Variants in LRRC4C observed in about 807,000 individuals in gnomAD.
The protein encoded by LRRC4C is leucine-rich repeat-containing protein 4C.
In LRRC4C, 5 loss-of-function variants were observed where a neutral mutation model predicts 33.6. That is an observed-to-expected ratio of 0.15 (90% CI 0.08 to 0.31). The LOEUF is 0.31. Ranked by LOEUF, LRRC4C falls within the 10% of genes least tolerant of loss-of-function variation. The pLI is 1.00. For synonymous variants in LRRC4C, 329 were observed against 302.0 expected, an observed-to-expected ratio of 1.09 and a Z score of -0.93; for missense variants, 560 against 796.7, an observed-to-expected ratio of 0.70 and a Z score of 3.58.
intron 6 of LRRC4C, among the ~76,000 whole-genome samples, chr11:40,127,046 A>C (rs1054299021): frequency 6.6e-6 from 1 of 152,116 alleles, no homozygotes; most frequent in African/African-American, 2.4e-5. Context: ...TTGGAAGCCA[A>C]GGTGGGCAGA....
intron 2 of LRRC4C, among the ~76,000 whole-genome samples, chr11:40,874,016 T>C (rs149899923): frequency 9.6e-4 from 146 of 152,292 alleles, no homozygotes; most frequent in African/African-American, 3.4e-3. Flanking sequence ...CATTTAAATT[T>C]TCTCCAGAGG....
intron 2 of LRRC4C, among the ~76,000 whole-genome samples, chr11:40,840,000 T>C (rs1565120613): frequency 6.6e-6 from 1 of 152,196 alleles, no homozygotes; most frequent in Non-Finnish European, 1.5e-5. Context: ...AATCTGATAG[T>C]CTCTATTTCA....
intron 3 of LRRC4C, among the ~76,000 whole-genome samples, chr11:40,382,879 G>C (rs1948946346): frequency 6.6e-6 from 1 of 151,676 alleles, no homozygotes; most frequent in Non-Finnish European, 1.5e-5. Context: ...ATTTTTAGTA[G>C]AGAAGGGGTT....
intron 2 of LRRC4C, among the ~76,000 whole-genome samples, chr11:40,858,073 AC>A (rs1264527391): frequency 6.7e-6 from 1 of 149,280 alleles, no homozygotes; most frequent in African/African-American, 2.4e-5. Context: ...AAGCTGCACT[AC>A]CCAATGTGTT....
intron 1 of LRRC4C, among the ~76,000 whole-genome samples, chr11:40,934,507 G>C (rs1342518833): frequency 1.3e-5 from 2 of 152,112 alleles, no homozygotes; most frequent in Non-Finnish European, 2.9e-5. Flanking sequence ...CTATCCTGGA[G>C]TAAATTAGAC....
chr11:40,895,587 T>C (rs550020712), intron 2 of LRRC4C, among the ~76,000 whole-genome samples: 1 of 152,246 alleles, frequency 6.6e-6, no homozygotes, highest in East Asian at 1.9e-4. Flanking sequence ...TTTTAAAAGG[T>C]ATTTAGAAAT....
At chr11:40,509,562 GA>G (rs1355982046) in intron 3 of LRRC4C, among the ~76,000 whole-genome samples, 1 of 151,792 alleles carries the variant, frequency 6.6e-6, no homozygotes, top group Non-Finnish European at 1.5e-5. Flanking sequence ...ACTTGTCATG[GA>G]ACAATGCGGT....
intron 1 of LRRC4C, among the ~76,000 whole-genome samples, chr11:40,968,997 G>A (rs1432781098): frequency 6.6e-6 from 1 of 152,110 alleles, no homozygotes; most frequent in Non-Finnish European, 1.5e-5. Context: ...TGGATCTTGG[G>A]AGAGCACACT....
chr11:40,663,989 G>T (rs1030722948), intron 2 of LRRC4C, among the ~76,000 whole-genome samples: 1 of 152,132 alleles, frequency 6.6e-6, no homozygotes, highest in South Asian at 2.1e-4. Context: ...CTGATCAAAG[G>T]TTGTACAGAA....
At chr11:40,449,763 G>T (rs1951804898) in intron 3 of LRRC4C, among the ~76,000 whole-genome samples, 1 of 152,288 alleles carries the variant, frequency 6.6e-6, no homozygotes, top group South Asian at 2.1e-4. Flanking sequence ...AATGGCAGCA[G>T]AAGTGCCTTG....
chr11:41,233,430 A>G (rs1335678103), intron 1 of LRRC4C, among the ~76,000 whole-genome samples: 1 of 152,000 alleles, frequency 6.6e-6, no homozygotes, highest in South Asian at 2.1e-4. Context: ...AGTCATAAAA[A>G]CTCTGCAATA....
At chr11:40,951,587 C>G (rs1958693200) in intron 1 of LRRC4C, among the ~76,000 whole-genome samples, 1 of 151,994 alleles carries the variant, frequency 6.6e-6, no homozygotes, top group African/African-American at 2.4e-5. Context: ...AATATGTTGG[C>G]ACTTAAATAT....
intron 1 of LRRC4C, among the ~76,000 whole-genome samples, chr11:41,114,432 T>C (rs1332463286): frequency 6.6e-6 from 1 of 152,050 alleles, no homozygotes; most frequent in Non-Finnish European, 1.5e-5. Context: ...TAATCTAAGA[T>C]TTGTTTCAAA....
intron 3 of LRRC4C, among the ~76,000 whole-genome samples, chr11:40,320,018 T>C (rs985828951): frequency 5.3e-5 from 8 of 152,148 alleles, no homozygotes; most frequent in African/African-American, 1.9e-4. Flanking sequence ...CTTTCATTTC[T>C]TTTTTAATGT....
At chr11:41,419,737 C>T (rs1350036734) in intron 1 of LRRC4C, among the ~76,000 whole-genome samples, 1 of 151,890 alleles carries the variant, frequency 6.6e-6, no homozygotes, top group Non-Finnish European at 1.5e-5. Context: ...TGTTATTTTA[C>T]TGATGTACCA....
intron 6 of LRRC4C, among the ~76,000 whole-genome samples, chr11:40,121,684 T>G (rs568574112): frequency 5.9e-5 from 9 of 152,316 alleles, no homozygotes; most frequent in Middle Eastern, 6.8e-3. Flanking sequence ...TTTAGTGCAC[T>G]GAGAGCTGCA....
At chr11:40,546,303 A>C (rs976755047) in intron 3 of LRRC4C, among the ~76,000 whole-genome samples, 1 of 152,040 alleles carries the variant, frequency 6.6e-6, no homozygotes, top group African/African-American at 2.4e-5. Flanking sequence ...GATATTAATG[A>C]TAATAGCAAC....
intron 1 of LRRC4C, among the ~76,000 whole-genome samples, chr11:41,334,736 A>G (rs1235159606): frequency 6.6e-6 from 1 of 152,170 alleles, no homozygotes; most frequent in Non-Finnish European, 1.5e-5. Context: ...CTGCAGTCCC[A>G]GGTACTCCAG....
At chr11:41,455,176 G>T (rs950511954) in intron 1 of LRRC4C, among the ~76,000 whole-genome samples, 1 of 152,056 alleles carries the variant, frequency 6.6e-6, no homozygotes, top group Non-Finnish European at 1.5e-5. Flanking sequence ...ATCACTGTAT[G>T]CTGTGCTATT....
Sources: gnomAD v4.1 joint callset for allele counts (sites outside exome capture counted in the v4.1 genomes callset) on GRCh38, gnomAD v4.1.1 for gene constraint, MANE v1.5 for transcripts, NCBI Gene and HGNC (gene_info 2026-07-23, HGNC 2026-07-21) for gene names.